The following ADGRB3 variants were observed in gnomAD, a reference collection of about 807,000 sequenced individuals.
ADGRB3 encodes adhesion G protein-coupled receptor B3.
A neutral mutation model predicts 193.4 loss-of-function variants in ADGRB3; 37 were observed. The observed-to-expected ratio is 0.19, with a 90% CI of 0.15 to 0.25. The LOEUF is 0.25. Among genes scored for constraint, ADGRB3 ranks in the 10% least tolerant of loss-of-function variants. The probability of loss-of-function intolerance (pLI) is 1.00; values close to 1 mark genes in which losing one functional copy is unlikely to be tolerated. For synonymous variants in ADGRB3, 690 were observed against 644.2 expected (o/e 1.07, Z -1.08); for missense variants, 1,637 against 1,852.9 (o/e 0.88, Z 2.14).
chr6:69,312,833 T>C (rs1210507441), intron 20 of ADGRB3, among the ~76,000 whole-genome samples: 3 of 151,790 alleles, frequency 2.0e-5, no homozygotes, highest in Non-Finnish European at 4.4e-5. Flanking sequence ...GAATGTTCCA[T>C]GTGTGTTATT....
intron 3 of ADGRB3, among the ~76,000 whole-genome samples, chr6:68,908,589 T>A (rs76374528): frequency 5.4e-4 from 82 of 152,238 alleles, no homozygotes; most frequent in Non-Finnish European, 9.4e-4. Flanking sequence ...GCCTATATCA[T>A]CATATTGACA....
chr6:69,332,825 C>A, intron 23 of ADGRB3, 98 bp from the exon 24 acceptor site: 1 of 1,519,858 alleles, frequency 6.6e-7, no homozygotes. Flanking sequence ...ACTAGTGATA[C>A]GGTGGTTATG....
intron 3 of ADGRB3, among the ~76,000 whole-genome samples, chr6:68,803,389 G>GAA (rs1767347260): frequency 6.6e-6 from 1 of 151,966 alleles, no homozygotes; most frequent in South Asian, 2.1e-4. Context: ...TCCTACCACT[G>GAA]TTACCTATAA....
chr6:68,967,801 G>C (rs1284317909), intron 8 of ADGRB3, among the ~76,000 whole-genome samples: 1 of 152,268 alleles, frequency 6.6e-6, no homozygotes, highest in South Asian at 2.1e-4. Flanking sequence ...GAAGGGGTGG[G>C]AGTGTTTGAG....
At chr6:69,325,907 A>C (rs1355383241) in intron 21 of ADGRB3, among the ~76,000 whole-genome samples, 1 of 152,214 alleles carries the variant, frequency 6.6e-6, no homozygotes, top group Non-Finnish European at 1.5e-5. Context: ...GCAATTAATA[A>C]GAAGTTGAAG....
chr6:69,205,901 T>G (rs1454825416), intron 17 of ADGRB3, among the ~76,000 whole-genome samples: 1 of 151,190 alleles, frequency 6.6e-6, no homozygotes, highest in Non-Finnish European at 1.5e-5. Context: ...TCCTCCTGCC[T>G]CAGCCTCTCA....
At chr6:68,867,234 G>A (rs1047851478) in intron 3 of ADGRB3, among the ~76,000 whole-genome samples, 2 of 152,124 alleles carry the variant, frequency 1.3e-5, no homozygotes, top group Non-Finnish European at 2.9e-5. Context: ...TCAGGACATG[G>A]CACCCTGCAT....
chr6:69,045,484 T>C (rs1366460382), intron 13 of ADGRB3, among the ~76,000 whole-genome samples: 1 of 152,108 alleles, frequency 6.6e-6, no homozygotes, highest in African/African-American at 2.4e-5. Context: ...CTTTAAGAAC[T>C]ATTTTGCTAA....
At chr6:69,031,540 T>TCTTA in intron 13 of ADGRB3, among the ~76,000 whole-genome samples, 1 of 60,752 alleles carries the variant, frequency 1.6e-5, no homozygotes, top group Non-Finnish European at 3.7e-5. Flanking sequence ...TTTCTTTCTT[T>TCTTA]CTTTCTTTCT....
chr6:68,786,394 C>T (rs1766970345), intron 3 of ADGRB3, among the ~76,000 whole-genome samples: 1 of 152,130 alleles, frequency 6.6e-6, no homozygotes, highest in Non-Finnish European at 1.5e-5. Flanking sequence ...TTCCCAGCAC[C>T]ATTTATTAAA....
intron 17 of ADGRB3, among the ~76,000 whole-genome samples, chr6:69,219,241 T>C (rs1765837443): frequency 6.6e-6 from 1 of 151,726 alleles, no homozygotes; most frequent in Non-Finnish European, 1.5e-5. Context: ...TTGGAATTCC[T>C]AGGGTTTTCT....
At chr6:69,069,631 T>C (rs1434317190) in intron 16 of ADGRB3, among the ~76,000 whole-genome samples, 1 of 134,706 alleles carries the variant, frequency 7.4e-6, no homozygotes, top group African/African-American at 2.8e-5. Context: ...TTCAGAAGGC[T>C]GAGGCAGGAG....
intron 20 of ADGRB3, among the ~76,000 whole-genome samples, chr6:69,264,087 T>C (rs1766983907): frequency 6.6e-6 from 1 of 152,000 alleles, no homozygotes; most frequent in African/African-American, 2.4e-5. Flanking sequence ...GCTGTCCTTA[T>C]TCACTCCTTA....
At chr6:68,921,485 A>G (rs975767563) in intron 3 of ADGRB3, among the ~76,000 whole-genome samples, 4 of 152,218 alleles carry the variant, frequency 2.6e-5, no homozygotes, top group African/African-American at 7.2e-5. Context: ...CACTACGTGT[A>G]CTGAAATATG....
In ADGRB3 at chr6:69,361,270, G is replaced by A; in HGVS notation, c.3997G>A (p.Glu1333Lys). 6.2e-7 allele frequency: 1 copy of A among 1,612,780 alleles called. No individual in the cohort carries two copies. The highest frequency in any genetic ancestry group is 1.3e-5 in the African/African-American group (1 of 74,942). Residue 1333 changes from glutamate to lysine, a missense_variant, in exon 29 of 32, where the codon GAA becomes AAA. By Grantham distance (56) the Glu-to-Lys change is moderately conservative. Around this residue, in one of 7 missense-constraint regions of ADGRB3, gnomAD observed 368 missense variants for 367.4 expected, o/e 1.00. Coordinates refer to ENST00000370598, the MANE Select transcript of ADGRB3 (RefSeq NM_001704.3). ...AGAAAGCAAAATGAATATTGGCATGGAAACCTTGCCGCATGAAAGGCTATT... is the reference window on the plus strand; with the variant it reads ...AGAAAGCAAAATGAATATTGGCATGAAAACCTTGCCGCATGAAAGGCTATT... ...KEESKMNIGM[E>K]TLPHERLLHY...
chr6:69,306,649 T>A (rs1299146628), intron 20 of ADGRB3, among the ~76,000 whole-genome samples: 3 of 151,616 alleles, frequency 2.0e-5, no homozygotes, highest in South Asian at 4.1e-4. Context: ...TGACTACAGG[T>A]CATACTCACT....
intron 13 of ADGRB3, among the ~76,000 whole-genome samples, chr6:69,044,633 G>C (rs1386153826): frequency 6.6e-6 from 1 of 152,192 alleles, no homozygotes; most frequent in Non-Finnish European, 1.5e-5. Flanking sequence ...ATTTTATGCT[G>C]CCTATCCAAA....
chr6:68,650,000 T>C (rs1031779764), intron 3 of ADGRB3, among the ~76,000 whole-genome samples: 7 of 152,192 alleles, frequency 4.6e-5, no homozygotes, highest in Admixed American at 2.6e-4. Flanking sequence ...GCACTATTCA[T>C]GCTGTTGTAC....
At position 68,715,706 on chromosome 6, in the gene ADGRB3, A is replaced by G. The variant is rs569446609; in HGVS notation, c.757+76274A>G. Among the ~76,000 whole-genome samples, 203 of 151,972 alleles carry G rather than the reference A, an allele frequency of 1.3e-3. 1 individual carries two copies. The highest frequency in any genetic ancestry group is 2.3e-3 in the Non-Finnish European group (153 of 67,864). ...TCATTCCATTAGTTGCTTTACATAC[A>G]TGCTAATTCTTATCCTAACTTTATA... is the stretch of plus-strand genomic sequence containing the variant. On this transcript the variant is annotated intron_variant, in intron 3 of 31. Transcript: ENST00000370598.
Sources: allele counts gnomAD v4.1 joint callset (sites outside exome capture counted in the v4.1 genomes callset), GRCh38; gene constraint gnomAD v4.1.1; regional missense constraint gnomAD v4.1.1; transcripts MANE v1.5; gene names NCBI Gene and HGNC (gene_info 2026-07-23, HGNC 2026-07-21).